PDK3: variants seen among roughly 807,000 people sequenced by gnomAD.
The protein encoded by PDK3 is pyruvate dehydrogenase kinase, isozyme 3.
PDK3 carries 12 observed loss-of-function variants against 32.0 expected under a neutral mutation model. The ratio of observed to expected loss-of-function variants is 0.37; its 90% CI spans 0.24 to 0.61. PDK3 has a LOEUF of 0.61. PDK3 is among the 20% of genes least tolerant of loss of function. The pLI is 0.65. For missense variants in PDK3, 188 were observed against 316.9 expected (o/e 0.59, Z 3.09); for synonymous variants, 122 against 116.3 (o/e 1.05, Z -0.31).
intron 9 of PDK3, 65 bp downstream of exon 9, chrX:24,528,251 G>C: frequency 1.7e-6 from 1 of 584,605 alleles, no homozygotes; most frequent in Non-Finnish European, 2.9e-6. Flanking sequence ...AGAGGGAGCT[G>C]CCTCTCTCCC....
At chrX:24,522,967 A>C (rs1922434760) in intron 6 of PDK3, among the ~76,000 whole-genome samples, 1 of 111,767 alleles carries the variant, frequency 8.9e-6, no homozygotes, top group South Asian at 3.8e-4. Flanking sequence ...GAATCCAAAG[A>C]AAAGCAGCAA....
At chrX:24,479,804 A>C (rs1456396978) in intron 1 of PDK3, among the ~76,000 whole-genome samples, 1 of 111,256 alleles carries the variant, frequency 9.0e-6, no homozygotes, top group African/African-American at 3.3e-5. Flanking sequence ...AAACAAAAAA[A>C]AAAGGACTTT....
exon 12 of PDK3, chrX:24,548,677 A>G (rs1923043266): frequency 8.9e-6 from 1 of 112,430 alleles, no homozygotes; most frequent in Admixed American, 9.5e-5. Context: ...ATGCATATTA[A>G]TAACAGAACC....
chrX:24,482,789 G>T lies in PDK3; in HGVS notation c.107-11953G>T, dbSNP rs377360013. Among the ~76,000 whole-genome samples, 22 of 112,379 alleles carry T rather than the reference G, an allele frequency of 2.0e-4. No homozygotes were observed. The East Asian group carries it at 5.3e-3, about 27-fold the overall frequency. On this transcript the variant is annotated intron_variant, in intron 1 of 10. Coordinates refer to ENST00000379162, the MANE Select transcript of PDK3 (RefSeq NM_005391.5). ...TATGAGAAGCAGTATATACAGACTT[G>T]TACTCCAGTCTTAATTTCTGATGCC... is the stretch of plus-strand genomic sequence containing the variant.
At chrX:24,505,898 G>A (rs767350349) in intron 5 of PDK3, among the ~76,000 whole-genome samples, 5 of 111,376 alleles carry the variant, frequency 4.5e-5, no homozygotes, top group Admixed American at 2.9e-4. Context: ...GGTTGTGAGC[G>A]ATCCACCAGG....
Position 24,470,818 on chromosome X carries a change from T to TC in PDK3, c.106+5265dup, listed in dbSNP as rs1302417079. ...GTCTTAATTTTCCCTGTGACATTTG[T>TC]CCCCCCCCTTCTTCTTGAGTAGGTT... On this transcript the variant is annotated intron_variant, in intron 1 of 10. Transcript: ENST00000379162. Among the ~76,000 whole-genome samples, 19 of 109,324 alleles carry TC rather than the reference T, an allele frequency of 1.7e-4. 1 individual carries two copies. Among genetic ancestry groups the TC allele is most frequent in the Non-Finnish European group, 1.7e-4 (9 of 52,401 alleles). 94.9% of individuals were successfully genotyped at this position (109,324 alleles called of 115,157 possible).
At chrX:24,502,704 C>T (rs758505447) in intron 3 of PDK3, among the ~76,000 whole-genome samples, 6 of 110,865 alleles carry the variant, frequency 5.4e-5, no homozygotes, top group Non-Finnish European at 9.4e-5. Flanking sequence ...ATTAGCCAGG[C>T]GTGGTGGCGT....
At chrX:24,537,179 G>A (rs1386225216), downstream of PDK3, among the ~76,000 whole-genome samples, 6 of 100,342 alleles carry the variant, frequency 6.0e-5, no homozygotes, top group African/African-American at 2.2e-4. Flanking sequence ...GTGCAGTGGC[G>A]CAATCTCAGC....
At chrX:24,468,631 A>G (rs188195882) in intron 1 of PDK3, among the ~76,000 whole-genome samples, 120 of 112,081 alleles carry the variant, frequency 1.1e-3, no homozygotes, top group African/African-American at 3.7e-3. Flanking sequence ...AAGCACCATT[A>G]ATCAGATGAT....
At chrX:24,494,624 A>C in intron 1 of PDK3, 118 bp from the exon 2 acceptor site, 1 of 408,756 alleles carries the variant, frequency 2.4e-6, no homozygotes, top group Non-Finnish European at 4.1e-6. Flanking sequence ...TCAACTAGAG[A>C]CTGCAGGATT....
intron 5 of PDK3, among the ~76,000 whole-genome samples, chrX:24,517,595 A>G (rs1181953694): frequency 2.7e-5 from 3 of 112,629 alleles, no homozygotes; most frequent in Non-Finnish European, 5.6e-5. Context: ...AAGTGTTAAG[A>G]CACAAACGCT....
chrX:24,473,245 G>A (rs1214093428), intron 1 of PDK3, among the ~76,000 whole-genome samples: 1 of 104,491 alleles, frequency 9.6e-6, no homozygotes, highest in African/African-American at 3.5e-5. Context: ...ATGGTGGTGG[G>A]CGCCTATAGT....
At chrX:24,490,330 C>T (rs763869870) in intron 1 of PDK3, among the ~76,000 whole-genome samples, 12 of 111,248 alleles carry the variant, frequency 1.1e-4, no homozygotes, top group Admixed American at 7.7e-4. Context: ...GTAGATACTG[C>T]TCTTTTTTTA....
At chrX:24,525,585 A>T (rs1403766997) in intron 6 of PDK3, among the ~76,000 whole-genome samples, 1 of 111,747 alleles carries the variant, frequency 8.9e-6, no homozygotes, top group African/African-American at 3.3e-5. Context: ...CACTGTTCTT[A>T]TTGCTTCACC....
intron 1 of PDK3, among the ~76,000 whole-genome samples, chrX:24,490,534 C>A (rs1246777462): frequency 9.0e-6 from 1 of 111,464 alleles, no homozygotes; most frequent in African/African-American, 3.3e-5. Context: ...AATTGAATTT[C>A]TTTTTCATAT....
At chrX:24,517,734 T>C (rs930784668) in intron 5 of PDK3, among the ~76,000 whole-genome samples, 10 of 112,723 alleles carry the variant, frequency 8.9e-5, no homozygotes, top group Non-Finnish European at 1.9e-4. Flanking sequence ...CGGCTGTTTC[T>C]GTAATGGCTC....
intron 10 of PDK3, 77 bp from the exon 11 acceptor site, chrX:24,533,852 A>C: frequency 9.6e-7 from 1 of 1,046,097 alleles, no homozygotes; most frequent in Non-Finnish European, 1.3e-6. Flanking sequence ...GTTTTAAATA[A>C]TAAAATTTGG....
intron 1 of PDK3, among the ~76,000 whole-genome samples, chrX:24,492,537 G>A (rs965821818): frequency 3.6e-5 from 4 of 110,482 alleles, no homozygotes; most frequent in African/African-American, 6.6e-5. Flanking sequence ...TGCAGTAAGC[G>A]GAGATCATGC....
intron 3 of PDK3, among the ~76,000 whole-genome samples, chrX:24,500,100 T>C (rs1602112908): frequency 9.0e-6 from 1 of 111,436 alleles, no homozygotes; most frequent in East Asian, 2.8e-4. Context: ...AGAACAAATT[T>C]GTAGAAGTAT....
Sources: allele counts gnomAD v4.1 joint callset (sites outside exome capture counted in the v4.1 genomes callset), GRCh38; gene constraint gnomAD v4.1.1; transcripts MANE v1.5; gene names NCBI Gene and HGNC (gene_info 2026-07-23, HGNC 2026-07-21).